The following DLC1 variants were observed in gnomAD, a reference collection of about 807,000 sequenced individuals.
DLC1 encodes rho GTPase-activating protein 7.
A neutral mutation model predicts 140.3 loss-of-function variants in DLC1; 54 were observed. The ratio of observed to expected loss-of-function variants is 0.38; its 90% CI spans 0.31 to 0.48. DLC1 has a LOEUF of 0.48. DLC1 is among the 20% of genes least tolerant of loss of function. The probability of loss-of-function intolerance (pLI) is 0.96; values close to 1 mark genes in which losing one functional copy is unlikely to be tolerated. For missense variants in DLC1, 2,536 were observed against 1,907.0 expected, an observed-to-expected ratio of 1.33 and a Z score of -6.14; for synonymous variants, 986 against 728.1, an observed-to-expected ratio of 1.35 and a Z score of -5.70.
chr8:13,542,923 T>A (rs914454360), intron 1 of DLC1, among the ~76,000 whole-genome samples: 4 of 152,160 alleles, frequency 2.6e-5, no homozygotes, highest in African/African-American at 9.6e-5. Context: ...GAAGATAGTT[T>A]TATTTCAGTA....
At chr8:13,102,925 T>C in intron 7 of DLC1, 72 bp from the exon 8 acceptor site, 2 of 1,277,560 alleles carry the variant, frequency 1.6e-6, no homozygotes. Context: ...CACCTGTTTT[T>C]AAACAATTCA....
chr8:13,393,652 T>C lies in DLC1; in HGVS notation c.1215A>G (p.Ser405=). The part of the protein sequence containing the change: ...SGSESGADTI[S]VNQTRVNLSS... ...ACAAATTTACTCGTGTCTGATTTAC[T>C]GAAATGGTATCTGCTCCACTTTCAG... The change falls in exon 4 of 18, where the codon TCA becomes TCG. Residue 405 remains serine, a synonymous_variant. Coordinates refer to ENST00000276297, the MANE Select transcript of DLC1 (RefSeq NM_182643.3). The C allele has an allele frequency of 6.2e-7, 1 of 1,614,148 alleles. No individual in the cohort carries two copies. The highest frequency in any genetic ancestry group is 8.5e-7 in the Non-Finnish European group (1 of 1,180,022).
chr8:13,413,255 G>GTTTTTTTTTTTTTTTTTT (rs1461897724), intron 2 of DLC1, among the ~76,000 whole-genome samples: 4 of 30,136 alleles, frequency 1.3e-4, no homozygotes, highest in Non-Finnish European at 3.5e-4. Flanking sequence ...ATTTTTTTGC[G>GTTTTTTTTTTTTTTTTTT]ATTTTTTTTT....
Position 13,199,177 on chromosome 8 carries a change from CTTTTTTTT to C in DLC1, c.1349-83528_1349-83521del, listed in dbSNP as rs71207132. On this transcript the variant is annotated intron_variant, in intron 5 of 17. Coordinates refer to ENST00000276297, the MANE Select transcript of DLC1 (RefSeq NM_182643.3). ...CTAGTAAATGTCTCCTTCTCTTTTT[CTTTTTTTT>C]TTTTTTTTTTTTTTTTTGAGACAAG... 6.0e-4 allele frequency among the ~76,000 whole-genome samples: 56 copies of C among 93,268 alleles called. No homozygotes were observed. In the South Asian group the frequency reaches 6.9e-3, roughly 12 times the overall value. The allele number at this position is 93,268 out of a possible 152,430, so 61.2% of individuals were successfully genotyped here.
At chr8:13,493,441 G>A (rs1429262165) in intron 2 of DLC1, among the ~76,000 whole-genome samples, 2 of 151,764 alleles carry the variant, frequency 1.3e-5, no homozygotes, top group East Asian at 3.9e-4. Context: ...CATAAACATT[G>A]TTTATAATCT....
chr8:13,494,241 T>C (rs150574624), intron 2 of DLC1, among the ~76,000 whole-genome samples: 183 of 152,382 alleles, frequency 1.2e-3, no homozygotes, highest in African/African-American at 4.0e-3. Context: ...TATTCCTCAA[T>C]ATTTATGTTA....
chr8:13,169,856 C>G (rs1365058672), intron 5 of DLC1, among the ~76,000 whole-genome samples: 1 of 142,364 alleles, frequency 7.0e-6, no homozygotes, highest in Non-Finnish European at 1.5e-5. Context: ...AATACCTCAT[C>G]TAAAAAAAAA....
chr8:13,182,437 G>T (rs1826098329), intron 5 of DLC1, among the ~76,000 whole-genome samples: 1 of 151,942 alleles, frequency 6.6e-6, no homozygotes, highest in Non-Finnish European at 1.5e-5. Flanking sequence ...TTTCATCTAG[G>T]GTTTTTATGG....
chr8:13,491,504 T>G (rs983095743), intron 2 of DLC1, among the ~76,000 whole-genome samples: 1 of 152,212 alleles, frequency 6.6e-6, no homozygotes, highest in Non-Finnish European at 1.5e-5. Context: ...TGATAAAATA[T>G]ACGTGAATGG....
chr8:13,137,757 C>T (rs1822681084), intron 5 of DLC1, among the ~76,000 whole-genome samples: 1 of 151,850 alleles, frequency 6.6e-6, no homozygotes, highest in African/African-American at 2.4e-5. Flanking sequence ...GCCACCACGC[C>T]TGGCTACCTT....
chr8:13,575,699 A>C (rs1211109825), intron 1 of DLC1, among the ~76,000 whole-genome samples: 1 of 152,312 alleles, frequency 6.6e-6, no homozygotes. Flanking sequence ...AGTGTACCAT[A>C]ATAGTGCTCT....
chr8:13,466,785 G>C (rs1410836528), intron 2 of DLC1, among the ~76,000 whole-genome samples: 1 of 151,910 alleles, frequency 6.6e-6, no homozygotes, highest in Non-Finnish European at 1.5e-5. Context: ...ATTTTTTCAG[G>C]CTTTATTTTT....
At position 13,375,973 on chromosome 8, in the gene DLC1, A is replaced by G. The variant is rs553906233; in HGVS notation, c.1314+17580T>C. On this transcript the variant is annotated intron_variant, in intron 4 of 17. Coordinates refer to ENST00000276297, the MANE Select transcript of DLC1 (RefSeq NM_182643.3). ...TAGGATACCTGTGAGAGTGACTTGT[A>G]GATTTTCAAATTTTCTCCTAATATT... is the stretch of plus-strand genomic sequence containing the variant. 3.3e-5 allele frequency among the ~76,000 whole-genome samples: 5 copies of G among 152,330 alleles called. No homozygotes were observed. In the East Asian group the frequency reaches 7.7e-4, roughly 24 times the overall value.
intron 2 of DLC1, among the ~76,000 whole-genome samples, chr8:13,451,286 T>A (rs1020109362): frequency 2.6e-5 from 4 of 152,080 alleles, no homozygotes; most frequent in African/African-American, 7.2e-5. Context: ...ATGAGATATT[T>A]TGGTACAGGC....
intron 5 of DLC1, 77 bp downstream of exon 5, chr8:13,305,192 T>C (rs1239116439): frequency 2.6e-6 from 4 of 1,557,924 alleles, no homozygotes; most frequent in Non-Finnish European, 2.6e-6. Context: ...TTTATATATT[T>C]AATAAAATGC....
intron 5 of DLC1, among the ~76,000 whole-genome samples, chr8:13,210,612 T>C (rs980060124): frequency 6.6e-6 from 1 of 152,234 alleles, no homozygotes; most frequent in Non-Finnish European, 1.5e-5. Context: ...ATTTTAGAAA[T>C]ACTTTCTCTG....
At chr8:13,307,556 G>T (rs1049964290) in intron 4 of DLC1, among the ~76,000 whole-genome samples, 7 of 152,136 alleles carry the variant, frequency 4.6e-5, no homozygotes, top group African/African-American at 1.4e-4. Flanking sequence ...CTGATTGGGG[G>T]TTTTAAAATA....
chr8:13,190,609 A>G (rs1284920355), intron 5 of DLC1, among the ~76,000 whole-genome samples: 1 of 152,194 alleles, frequency 6.6e-6, no homozygotes, highest in African/African-American at 2.4e-5. Flanking sequence ...CAAATAATGA[A>G]TTTGCAGGTA....
chr8:13,125,735 T>G (rs1821501815), intron 5 of DLC1, among the ~76,000 whole-genome samples: 1 of 151,764 alleles, frequency 6.6e-6, no homozygotes, highest in African/African-American at 2.4e-5. Flanking sequence ...TAAGTTTTGT[T>G]CATTTTTTTT....
Sources: allele counts gnomAD v4.1 joint callset (sites outside exome capture counted in the v4.1 genomes callset), GRCh38; gene constraint gnomAD v4.1.1; transcripts MANE v1.5; gene names NCBI Gene and HGNC (gene_info 2026-07-23, HGNC 2026-07-21).